The following RBFOX1 variants were observed in gnomAD, a reference collection of about 807,000 sequenced individuals.
The protein encoded by RBFOX1 is RNA binding fox-1 homolog 1.
RBFOX1 carries 8 observed loss-of-function variants against 57.7 expected under a neutral mutation model. The observed-to-expected ratio is 0.14, with a 90% CI of 0.08 to 0.25. The LOEUF (loss-of-function observed/expected upper bound fraction) is 0.25, where lower values mean the gene tolerates loss of function less well. Ranked by LOEUF, RBFOX1 falls within the 10% of genes least tolerant of loss-of-function variation. The probability of loss-of-function intolerance (pLI) is 1.00; values close to 1 mark genes in which losing one functional copy is unlikely to be tolerated. For missense variants in RBFOX1, 611 were observed against 548.5 expected, an observed-to-expected ratio of 1.11 and a Z score of -1.14; for synonymous variants, 326 against 222.4, an observed-to-expected ratio of 1.47 and a Z score of -4.15.
chr16:5,688,319 T>G (rs1284032241), intron 3 of RBFOX1, among the ~76,000 whole-genome samples: 1 of 152,222 alleles, frequency 6.6e-6, no homozygotes, highest in Non-Finnish European at 1.5e-5. Flanking sequence ...AAGCATTTTT[T>G]GCATTGCAAC....
intron 1 of RBFOX1, among the ~76,000 whole-genome samples, chr16:5,424,775 G>A: frequency 6.6e-6 from 1 of 151,786 alleles, no homozygotes; most frequent in East Asian, 1.9e-4. Flanking sequence ...CCATCACCCA[G>A]GTAAGTAGGA....
intron 3 of RBFOX1, among the ~76,000 whole-genome samples, chr16:5,856,573 G>GTGTGTA: frequency 3.9e-5 from 1 of 25,546 alleles, no homozygotes; most frequent in South Asian, 1.8e-3. Context: ...ATGTGTGTGT[G>GTGTGTA]TGTATATATA....
At chr16:7,131,455 G>T (rs1289765393) in intron 4 of RBFOX1, among the ~76,000 whole-genome samples, 11 of 145,122 alleles carry the variant, frequency 7.6e-5, no homozygotes, top group African/African-American at 2.6e-4. Flanking sequence ...TCTTGCTTCT[G>T]CTCCGGTAGG....
At chr16:7,096,012 C>CAAAAAAAAAAAA (rs71408498) in intron 4 of RBFOX1, among the ~76,000 whole-genome samples, 1 of 111,476 alleles carries the variant, frequency 9.0e-6, no homozygotes, top group Non-Finnish European at 1.8e-5. Flanking sequence ...GACTCTGTCT[C>CAAAAAAAAAAAA]AAAAAAAAAA....
At chr16:6,888,346 C>T (rs1380261279) in intron 3 of RBFOX1, among the ~76,000 whole-genome samples, 2 of 152,288 alleles carry the variant, frequency 1.3e-5, no homozygotes, top group South Asian at 2.1e-4. Flanking sequence ...ATCACTGAAG[C>T]TGTTTGAAAA....
intron 1 of RBFOX1, among the ~76,000 whole-genome samples, chr16:6,215,013 G>T (rs1253652543): frequency 7.3e-6 from 1 of 136,432 alleles, no homozygotes; most frequent in African/African-American, 2.8e-5. Flanking sequence ...AGAGGGAGAA[G>T]GGGAGAGGTA....
chr16:6,919,674 A>G (rs949881329), intron 3 of RBFOX1, among the ~76,000 whole-genome samples: 1 of 152,078 alleles, frequency 6.6e-6, no homozygotes, highest in Admixed American at 6.6e-5. Context: ...GATTGAATCC[A>G]GATCCATAAG....
intron 4 of RBFOX1, among the ~76,000 whole-genome samples, chr16:7,076,341 T>C (rs1363023264): frequency 6.6e-6 from 1 of 152,140 alleles, no homozygotes; most frequent in African/African-American, 2.4e-5. Flanking sequence ...CATTTTTTTC[T>C]TTATGGTAGA....
At chr16:6,873,147 C>A (rs543767332) in intron 3 of RBFOX1, among the ~76,000 whole-genome samples, 1 of 150,206 alleles carries the variant, frequency 6.7e-6, no homozygotes, top group African/African-American at 2.4e-5. Context: ...AAAAAAAAAG[C>A]TCTATAGCAG....
At chr16:5,637,785 C>A (rs12445148) in intron 3 of RBFOX1, among the ~76,000 whole-genome samples, 3 of 152,090 alleles carry the variant, frequency 2.0e-5, no homozygotes, top group African/African-American at 7.2e-5. Flanking sequence ...CTGAAGACCA[C>A]CCTCCCTGGT....
At chr16:6,365,809 T>C (rs941908886) in intron 2 of RBFOX1, among the ~76,000 whole-genome samples, 2 of 152,234 alleles carry the variant, frequency 1.3e-5, no homozygotes, top group Admixed American at 1.3e-4. Context: ...AAAAATGTTT[T>C]CTAACTTGCT....
intron 4 of RBFOX1, among the ~76,000 whole-genome samples, chr16:7,348,414 C>T (rs1266160186): frequency 2.7e-5 from 4 of 148,500 alleles, no homozygotes. Context: ...TTTTTTACCT[C>T]ATGAATATTT....
intron 3 of RBFOX1, among the ~76,000 whole-genome samples, chr16:5,854,821 C>G (rs573636404): frequency 1.1e-4 from 16 of 152,264 alleles, no homozygotes; most frequent in Non-Finnish European, 1.3e-4. Flanking sequence ...CATAATGGCT[C>G]TATCAATTTA....
chr16:6,495,120 A>G (rs753292749), intron 2 of RBFOX1, among the ~76,000 whole-genome samples: 16 of 152,008 alleles, frequency 1.1e-4, no homozygotes, highest in Admixed American at 4.6e-4. Flanking sequence ...TTGTTTGTTT[A>G]TTTATTTATT....
intron 3 of RBFOX1, among the ~76,000 whole-genome samples, chr16:6,663,123 A>C (rs2098711620): frequency 6.6e-6 from 1 of 152,196 alleles, no homozygotes; most frequent in South Asian, 2.1e-4. Flanking sequence ...TGGAAGGCAG[A>C]CTGGAGGATG....
intron 2 of RBFOX1, among the ~76,000 whole-genome samples, chr16:6,541,081 G>C (rs528676975): frequency 1.3e-5 from 2 of 152,152 alleles, no homozygotes; most frequent in African/African-American, 4.8e-5. Flanking sequence ...AAAGCTCTAA[G>C]ATATTTCCAA....
chr16:7,585,551 G>A (rs1044714775), intron 6 of RBFOX1, among the ~76,000 whole-genome samples: 25 of 152,198 alleles, frequency 1.6e-4, no homozygotes, highest in African/African-American at 5.8e-4. Flanking sequence ...AAATATGTGC[G>A]TCTGTGATTC....
At chr16:7,476,885 G>A (rs2062833138) in intron 4 of RBFOX1, among the ~76,000 whole-genome samples, 1 of 152,124 alleles carries the variant, frequency 6.6e-6, no homozygotes, top group Non-Finnish European at 1.5e-5. Flanking sequence ...GTATGAAATG[G>A]AGATTACATT....
chr16:6,487,214 C>T (rs556901120), intron 2 of RBFOX1, among the ~76,000 whole-genome samples: 20 of 151,080 alleles, frequency 1.3e-4, no homozygotes, highest in Middle Eastern at 3.4e-3. Flanking sequence ...ATGTCAGCTA[C>T]AGCAACTCGT....
Sources: gnomAD v4.1 joint callset for allele counts (sites outside exome capture counted in the v4.1 genomes callset) on GRCh38, gnomAD v4.1.1 for gene constraint, MANE v1.5 for transcripts, NCBI Gene and HGNC (gene_info 2026-07-23, HGNC 2026-07-21) for gene names.